Variants in SRBD1 observed in about 807,000 individuals in gnomAD.
SRBD1 encodes S1 RNA binding domain 1, also known as S1 RNA-binding domain-containing protein 1.
SRBD1 carries 88 observed loss-of-function variants against 115.3 expected under a neutral mutation model. That is an observed-to-expected ratio of 0.76 (90% CI 0.64 to 0.91). The LOEUF is 0.91. Among genes scored for constraint, SRBD1 ranks in the 40% least tolerant of loss-of-function variants. The pLI, the probability that SRBD1 is intolerant of heterozygous loss-of-function variation, is 0.00. For synonymous variants in SRBD1, 509 were observed against 407.7 expected, an observed-to-expected ratio of 1.25 and a Z score of -2.99; for missense variants, 1,385 against 1,177.4, an observed-to-expected ratio of 1.18 and a Z score of -2.58.
At chr2:45,435,344 C>A (rs149530142) in intron 16 of SRBD1, among the ~76,000 whole-genome samples, 1 of 151,898 alleles carries the variant, frequency 6.6e-6, no homozygotes, top group Non-Finnish European at 1.5e-5. Context: ...ACTGTGGCAC[C>A]AGGAGGTAAC....
At chr2:45,522,148 A>C (rs1025154498) in intron 14 of SRBD1, among the ~76,000 whole-genome samples, 1 of 152,148 alleles carries the variant, frequency 6.6e-6, no homozygotes, top group African/African-American at 2.4e-5. Flanking sequence ...GAGCATCCCA[A>C]ATCCAAAAAT....
In SRBD1 at chr2:45,546,460, T is replaced by A. The variant is rs1049322001; in HGVS notation, c.1874+272A>T. The A allele has an allele frequency of 8.1e-6, 5 of 619,816 alleles. No homozygotes were observed. In the African/African-American group the frequency reaches 1.0e-4, roughly 12 times the overall value. The allele number at this position is 619,816 out of a possible 1,614,324, so 38.4% of individuals were successfully genotyped here. On this transcript the variant is annotated intron_variant, in intron 14 of 20. Coordinates refer to ENST00000263736, the MANE Select transcript of SRBD1 (RefSeq NM_018079.5). ...ATAGTTAACTAGAACCCTCACACAA[T>A]GTATAGCCTAGAAAATCCAATGAAA...
At chr2:45,552,543 C>T (rs1231923544) in intron 11 of SRBD1, among the ~76,000 whole-genome samples, 3 of 152,006 alleles carry the variant, frequency 2.0e-5, no homozygotes, top group Non-Finnish European at 2.9e-5. Context: ...ACATAAGCAA[C>T]ATGAGAAAAC....
chr2:45,592,026 G>C (rs1382743101), intron 4 of SRBD1, among the ~76,000 whole-genome samples: 1 of 152,148 alleles, frequency 6.6e-6, no homozygotes. Flanking sequence ...ATGGGGGCCA[G>C]TCTCTCCTGT....
chr2:45,419,307 A>G (rs1667928744), intron 17 of SRBD1, among the ~76,000 whole-genome samples: 2 of 152,214 alleles, frequency 1.3e-5, no homozygotes, highest in Admixed American at 1.3e-4. Context: ...ACCATGGGGG[A>G]AAAGAAGATT....
intron 4 of SRBD1, among the ~76,000 whole-genome samples, chr2:45,592,493 ACTTTC>A (rs1405554452): frequency 4.6e-5 from 7 of 152,110 alleles, no homozygotes; most frequent in African/African-American, 1.7e-4. Flanking sequence ...TTCCGAGCAT[ACTTTC>A]CTTTCCTTTC....
chr2:45,411,853 G>A (rs191660287), intron 19 of SRBD1, among the ~76,000 whole-genome samples: 5 of 152,330 alleles, frequency 3.3e-5, no homozygotes, highest in Non-Finnish European at 5.9e-5. Flanking sequence ...GCTCACGCCT[G>A]TAATCCCAGC....
intron 16 of SRBD1, among the ~76,000 whole-genome samples, chr2:45,453,985 C>A (rs569777586): frequency 6.6e-6 from 1 of 151,876 alleles, no homozygotes; most frequent in South Asian, 2.1e-4. Context: ...TAAATTATTC[C>A]AACATTCTTA....
At chr2:45,436,512 G>A (rs746642066) in intron 16 of SRBD1, among the ~76,000 whole-genome samples, 5 of 152,176 alleles carry the variant, frequency 3.3e-5, no homozygotes, top group Admixed American at 6.5e-5. Context: ...AAGGAAAGAG[G>A]TTTAACTGAC....
At chr2:45,573,806 T>A (rs776787698) in intron 8 of SRBD1, among the ~76,000 whole-genome samples, 1 of 152,182 alleles carries the variant, frequency 6.6e-6, no homozygotes, top group Non-Finnish European at 1.5e-5. Context: ...AAAACACATT[T>A]TAAAACCTGA....
At chr2:45,493,573 G>C (rs1469933718) in intron 14 of SRBD1, among the ~76,000 whole-genome samples, 1 of 152,126 alleles carries the variant, frequency 6.6e-6, no homozygotes. Context: ...CACTTTGGGA[G>C]GCCCAGGTGG....
At chr2:45,502,502 T>TA (rs1670664797) in intron 14 of SRBD1, among the ~76,000 whole-genome samples, 1 of 152,054 alleles carries the variant, frequency 6.6e-6, no homozygotes, top group Non-Finnish European at 1.5e-5. Context: ...TATGCAGCCA[T>TA]AAAAAAGGAC....
At chr2:45,551,408 G>T (rs1018267245) in intron 11 of SRBD1, 126 bp from the exon 12 acceptor site, 3 of 967,320 alleles carry the variant, frequency 3.1e-6, no homozygotes, top group Non-Finnish European at 4.4e-6. Flanking sequence ...TAACTTAAGA[G>T]AAAAATATAC....
At chr2:45,550,204 A>T (rs561964081) in intron 12 of SRBD1, among the ~76,000 whole-genome samples, 169 of 152,234 alleles carry the variant, frequency 1.1e-3, no homozygotes, top group Non-Finnish European at 2.1e-3. Flanking sequence ...AACTTAGATG[A>T]TCAACAGAAA....
chr2:45,493,155 T>C (rs1670350259), intron 14 of SRBD1, among the ~76,000 whole-genome samples: 1 of 152,190 alleles, frequency 6.6e-6, no homozygotes, highest in South Asian at 2.1e-4. Context: ...TTAAAAATAA[T>C]TTATCTAAAA....
intron 16 of SRBD1, among the ~76,000 whole-genome samples, chr2:45,426,475 C>T (rs1056224468): frequency 6.6e-6 from 1 of 152,218 alleles, no homozygotes; most frequent in Non-Finnish European, 1.5e-5. Context: ...AGCAGTGGAT[C>T]TCCCAGCACA....
intron 16 of SRBD1, among the ~76,000 whole-genome samples, chr2:45,439,723 A>G (rs1668603040): frequency 6.6e-6 from 1 of 152,056 alleles, no homozygotes; most frequent in Admixed American, 6.6e-5. Context: ...CCAACTAAAA[A>G]GCAAAAATTG....
chr2:45,503,744 G>A (rs1225771812), intron 14 of SRBD1, among the ~76,000 whole-genome samples: 2 of 152,068 alleles, frequency 1.3e-5, no homozygotes. Context: ...GTAATATTAA[G>A]GTTATTCATT....
At chr2:45,407,516 T>C (rs1667472768) in intron 19 of SRBD1, among the ~76,000 whole-genome samples, 1 of 152,210 alleles carries the variant, frequency 6.6e-6, no homozygotes, top group Admixed American at 6.5e-5. Context: ...CAAGGAGTTA[T>C]TAGGCTCCTT....
Sources: gnomAD v4.1 joint callset for allele counts (sites outside exome capture counted in the v4.1 genomes callset) on GRCh38, gnomAD v4.1.1 for gene constraint, MANE v1.5 for transcripts, NCBI Gene and HGNC (gene_info 2026-07-23, HGNC 2026-07-21) for gene names.